The following ZNF573 variants were observed in gnomAD, a reference collection of about 807,000 sequenced individuals.
The protein encoded by ZNF573 is zinc finger protein 573.
ZNF573 carries 41 observed loss-of-function variants against 57.4 expected under a neutral mutation model. The observed-to-expected ratio is 0.71, with a 90% CI of 0.56 to 0.93. ZNF573 has a LOEUF of 0.93. Among genes scored for constraint, ZNF573 ranks in the 40% least tolerant of loss-of-function variants. ZNF573 has a pLI of 0.00. For missense variants in ZNF573, 730 were observed against 794.8 expected, an observed-to-expected ratio of 0.92 and a Z score of 0.98; for synonymous variants, 249 against 261.0, an observed-to-expected ratio of 0.95 and a Z score of 0.44.
intron 1 of ZNF573, among the ~76,000 whole-genome samples, chr19:37,776,209 A>C (rs1280484578): frequency 1.3e-5 from 2 of 152,170 alleles, no homozygotes. Flanking sequence ...AAATCTGGAG[A>C]CATAACATTC....
intron 1 of ZNF573, among the ~76,000 whole-genome samples, chr19:37,775,156 A>C (rs1420499947): frequency 2.0e-5 from 3 of 152,028 alleles, no homozygotes; most frequent in Non-Finnish European, 4.4e-5. Context: ...GGCTGGGACT[A>C]AAGGTGTGCA....
intron 4 of ZNF573, among the ~76,000 whole-genome samples, chr19:37,753,712 G>T (rs369542500): frequency 3.9e-5 from 6 of 152,094 alleles, no homozygotes; most frequent in African/African-American, 1.4e-4. Flanking sequence ...CATACTATTA[G>T]AGTTCTATGA....
intron 4 of ZNF573, among the ~76,000 whole-genome samples, chr19:37,756,004 A>C (rs1242075413): frequency 6.6e-6 from 1 of 152,192 alleles, no homozygotes; most frequent in Non-Finnish European, 1.5e-5. Flanking sequence ...TAACACGCTA[A>C]CCTGTATTAT....
intron 4 of ZNF573, among the ~76,000 whole-genome samples, chr19:37,744,944 G>C (rs903260579): frequency 6.6e-6 from 1 of 151,442 alleles, no homozygotes; most frequent in Non-Finnish European, 1.5e-5. Flanking sequence ...ACCACGCCCC[G>C]CTAAATTTTT....
intron 4 of ZNF573, chr19:37,758,392 G>C (rs1392455926): frequency 6.7e-6 from 1 of 148,788 alleles, no homozygotes; most frequent in Non-Finnish European, 1.5e-5. Flanking sequence ...CCTGAGGTCA[G>C]GTGTTCCAGA....
chr19:37,768,571 G>A (rs2045622462), intron 4 of ZNF573, among the ~76,000 whole-genome samples: 2 of 152,114 alleles, frequency 1.3e-5, no homozygotes, highest in African/African-American at 4.8e-5. Flanking sequence ...GCTGTCCCCA[G>A]CCATCTCATC....
At position 37,771,653 on chromosome 19, in the gene ZNF573, G is replaced by C; in HGVS notation, c.113C>G (p.Ser38Cys). 1 of 1,603,182 alleles carries C rather than the reference G, an allele frequency of 6.2e-7. No individual in the cohort carries two copies. The highest frequency in any genetic ancestry group is 1.1e-5 in the South Asian group (1 of 89,120). Residue 38 changes from serine to cysteine, a missense_variant, in exon 3 of 5, where the codon TCT becomes TGT. Transcript: ENST00000536220. ...VTFRDVAIDFSRQEWEYLDPN... is the reference protein window; with the variant it reads ...VTFRDVAIDFCRQEWEYLDPN... The stretch of plus-strand genomic sequence containing the variant: ...GTCCAGGTATTCCCACTCCTGCCGA[G>C]AGAAGTCTATGGCCACATCCCTGAA...
chr19:37,761,216 TG>T (rs2045549841), intron 4 of ZNF573, among the ~76,000 whole-genome samples: 2 of 151,796 alleles, frequency 1.3e-5, no homozygotes, highest in Non-Finnish European at 2.9e-5. Context: ...AAAAAAGAAC[TG>T]GTATAAGCAA....
chr19:37,741,982 G>A (rs1039472505), intron 4 of ZNF573, among the ~76,000 whole-genome samples: 2 of 152,136 alleles, frequency 1.3e-5, no homozygotes, highest in Non-Finnish European at 2.9e-5. Flanking sequence ...CCAAGTCTCA[G>A]GGTACAAAAT....
At chr19:37,744,944 G>A (rs903260579) in intron 4 of ZNF573, among the ~76,000 whole-genome samples, 2 of 151,442 alleles carry the variant, frequency 1.3e-5, no homozygotes, top group Admixed American at 6.6e-5. Context: ...ACCACGCCCC[G>A]CTAAATTTTT....
intron 4 of ZNF573, among the ~76,000 whole-genome samples, chr19:37,758,235 A>AAAAT (rs2045513368): frequency 1.1e-5 from 1 of 92,324 alleles, no homozygotes; most frequent in Admixed American, 1.1e-4. Flanking sequence ...ATATATATAT[A>AAAAT]TATATATATA....
Position 37,771,593 on chromosome 19 carries a change from A to G in ZNF573, c.173T>C (p.Leu58Ser). Residue 58 changes from leucine (L) to serine (S), a missense_variant, in exon 3 of 5, where the codon TTG (leucine) becomes TCG (serine). Physicochemically the swap from Leu to Ser is moderately radical, Grantham distance 145 (BLOSUM62 -2). Coordinates refer to ENST00000536220, the MANE Select transcript of ZNF573 (RefSeq NM_001172690.2). ...NQRDLYRDVM[L>S]ENYRNLVSLG... is the part of the protein sequence containing the mutation. ...TGATACCAGGTTTCTATAGTTCTCC[A>G]ACATCACATCCCTGTATAAGTCCCT... 6.2e-7 allele frequency: 1 copy of G among 1,609,114 alleles called. No individual in the cohort carries two copies. The highest frequency in any genetic ancestry group is 8.5e-7 in the Non-Finnish European group (1 of 1,177,948).
At chr19:37,774,387 C>T (rs565896312) in intron 1 of ZNF573, among the ~76,000 whole-genome samples, 8 of 152,058 alleles carry the variant, frequency 5.3e-5, no homozygotes, top group African/African-American at 1.7e-4. Flanking sequence ...GTGATTCACC[C>T]GCCTTGGCCT....
chr19:37,760,815 C>T (rs117765492), intron 4 of ZNF573, among the ~76,000 whole-genome samples: 1,590 of 149,746 alleles, frequency 0.011, 11 homozygotes, highest in Non-Finnish European at 0.016. Flanking sequence ...GAGTAAGAGT[C>T]TGTCTGAAGA....
At chr19:37,752,852 C>T (rs1309150069) in intron 4 of ZNF573, among the ~76,000 whole-genome samples, 1 of 152,158 alleles carries the variant, frequency 6.6e-6, no homozygotes, top group African/African-American at 2.4e-5. Flanking sequence ...CCAAGCTGGT[C>T]TCAAACCCCT....
rs1008867236 is a variant in ZNF573 at position 37,757,699 on chromosome 19, C to A, written c.295+12306G>T. Among the ~76,000 whole-genome samples the A allele has an allele frequency of 5.3e-4, 80 of 152,108 alleles. 1 individual carries two copies. Among genetic ancestry groups the A allele is most frequent in the Non-Finnish European group, 1.8e-4 (12 of 68,022 alleles). On this transcript the variant is annotated intron_variant, in intron 4 of 4. Transcript: ENST00000536220. ...CAGCCATCCCATTACTGGGTATATA[C>A]CCAAAGGAATATAAATCATGCTGCT...
intron 3 of ZNF573, 146 bp downstream of exon 3, chr19:37,771,418 T>C (rs1027429236): frequency 2.2e-6 from 2 of 913,476 alleles, no homozygotes; most frequent in African/African-American, 1.7e-5. Context: ...GCACAGCCAT[T>C]GTCAAACAGG....
intron 4 of ZNF573, among the ~76,000 whole-genome samples, chr19:37,748,428 T>A (rs1448311399): frequency 3.9e-5 from 6 of 152,192 alleles, no homozygotes; most frequent in Admixed American, 3.9e-4. Context: ...TGGTCTTTGT[T>A]TGGTTGGTGG....
intron 4 of ZNF573, among the ~76,000 whole-genome samples, chr19:37,765,647 T>C (rs1026283821): frequency 6.6e-6 from 1 of 151,020 alleles, no homozygotes; most frequent in Non-Finnish European, 1.5e-5. Flanking sequence ...GAGACGGAGG[T>C]TGCAGTGAGC....
Sources: allele counts gnomAD v4.1 joint callset (sites outside exome capture counted in the v4.1 genomes callset), GRCh38; gene constraint gnomAD v4.1.1; transcripts MANE v1.5; gene names NCBI Gene and HGNC (gene_info 2026-07-23, HGNC 2026-07-21).